ZNF565: variants seen among roughly 807,000 people sequenced by gnomAD.
The protein encoded by ZNF565 is zinc finger protein 565.
ZNF565 carries 27 observed loss-of-function variants against 39.4 expected under a neutral mutation model. That is an observed-to-expected ratio of 0.69 (90% CI 0.51 to 0.95). The LOEUF (loss-of-function observed/expected upper bound fraction) is 0.95, where lower values mean the gene tolerates loss of function less well. Among genes scored for constraint, ZNF565 ranks in the 40% least tolerant of loss-of-function variants. The probability of loss-of-function intolerance (pLI) is 0.00; values close to 1 mark genes in which losing one functional copy is unlikely to be tolerated. For synonymous variants in ZNF565, 185 were observed against 216.6 expected (o/e 0.85, Z 1.28); for missense variants, 524 against 621.1 (o/e 0.84, Z 1.66).
At chr19:36,189,678 T>C (rs555263902) in intron 4 of ZNF565, among the ~76,000 whole-genome samples, 1 of 152,238 alleles carries the variant, frequency 6.6e-6, no homozygotes, top group South Asian at 2.1e-4. Flanking sequence ...TAAAAGATTA[T>C]TATTTTTCAG....
chr19:36,242,105 A>G (rs1347935374), intron 1 of ZNF565, among the ~76,000 whole-genome samples: 1 of 152,166 alleles, frequency 6.6e-6, no homozygotes, highest in Non-Finnish European at 1.5e-5. Flanking sequence ...AGAATGGGAG[A>G]AAATATTTAG....
chr19:36,240,678 G>C (rs1977783279), intron 1 of ZNF565, among the ~76,000 whole-genome samples: 1 of 152,028 alleles, frequency 6.6e-6, no homozygotes, highest in African/African-American at 2.4e-5. Flanking sequence ...ATACCAGCCT[G>C]GCCAACATGG....
At chr19:36,226,821 C>T (rs1977087553) in intron 1 of ZNF565, among the ~76,000 whole-genome samples, 1 of 152,206 alleles carries the variant, frequency 6.6e-6, no homozygotes, top group African/African-American at 2.4e-5. Context: ...TGCAGTGGCT[C>T]ACAACTGTAA....
chr19:36,197,331 G>T (rs1318203215), intron 2 of ZNF565, among the ~76,000 whole-genome samples: 1 of 151,678 alleles, frequency 6.6e-6, no homozygotes, highest in Non-Finnish European at 1.5e-5. Flanking sequence ...AATTAGCTGG[G>T]CATGATGGTG....
intron 1 of ZNF565, chr19:36,237,483 C>A (rs1167381759): frequency 3.9e-6 from 3 of 768,380 alleles, no homozygotes. Flanking sequence ...AAGAGAAAGA[C>A]ATGCATATGA....
chr19:36,183,369 T>TG lies in ZNF565; in HGVS notation c.596_597insC (p.Glu199AspfsTer22). On this transcript the variant is annotated frameshift_variant, in exon 5 of 5. Transcript: ENST00000304116. LOFTEE classifies it high-confidence loss of function. ...AGGCACGGCTGAAGGCCTTCCCACA[T>TG]TCCTTACATCCAAAGGGTTTTTCAC... 6.2e-7 allele frequency: 1 copy of TG among 1,608,530 alleles called. No homozygotes were observed. Among genetic ancestry groups the TG allele is most frequent in the Non-Finnish European group, 8.5e-7 (1 of 1,175,072 alleles).
At position 36,194,098 on chromosome 19, in the gene ZNF565, T is replaced by C. The variant is rs980834740; in HGVS notation, c.232+135A>G. On this transcript the variant is annotated intron_variant, in intron 4 of 4. Coordinates refer to ENST00000304116, the MANE Select transcript of ZNF565 (RefSeq NM_152477.5). ...TGGAAGCTGACGCTAATAAAGTCTT[T>C]ACTCGCCACATCTTCACGTTTCAGG... The C allele has an allele frequency of 7.4e-5, 46 of 618,196 alleles. No homozygotes were observed. In the Admixed American group the frequency reaches 1.1e-3, roughly 15 times the overall value. The allele number at this position is 618,196 out of a possible 1,614,324, so 38.3% of individuals were successfully genotyped here.
At chr19:36,183,803 G>A (rs1975182223) in intron 4 of ZNF565, 70 bp from the exon 5 acceptor site, 2 of 1,412,888 alleles carry the variant, frequency 1.4e-6, no homozygotes, top group African/African-American at 2.9e-5. Flanking sequence ...TTCTATAGTA[G>A]AGGCCAGGCA....
At chr19:36,218,005 A>C (rs1599956001), upstream of ZNF565, 1 of 151,728 alleles carries the variant, frequency 6.6e-6, no homozygotes, top group East Asian at 2.0e-4. Context: ...GGGTTTCACC[A>C]TGGTGACCAG....
chr19:36,229,266 C>CGAGA (rs1275966091), intron 1 of ZNF565, among the ~76,000 whole-genome samples: 1 of 152,226 alleles, frequency 6.6e-6, no homozygotes, highest in African/African-American at 2.4e-5. Flanking sequence ...GTTGTCTTCT[C>CGAGA]ACTCATCTCT....
rs1599940781 is a variant in ZNF565, at chr19:36,206,814, A to G, written c.-65-4764T>C. On this transcript the variant is annotated intron_variant, in intron 1 of 4. Coordinates refer to ENST00000304116, the MANE Select transcript of ZNF565 (RefSeq NM_152477.5). Reference sequence around the variant, plus strand: ...GCCACTGCACTCCAGCCTGGGCAACAAAGACTCTGTCACAAACAACAACAA... The same window carrying G: ...GCCACTGCACTCCAGCCTGGGCAACGAAGACTCTGTCACAAACAACAACAA... Among the ~76,000 whole-genome samples, 4 of 152,352 alleles carry G rather than the reference A, an allele frequency of 2.6e-5. No individual in the cohort carries two copies. In the East Asian group the frequency reaches 7.7e-4, roughly 29 times the overall value.
intron 1 of ZNF565, among the ~76,000 whole-genome samples, chr19:36,208,210 T>C (rs1976228555): frequency 1.3e-5 from 2 of 151,706 alleles, no homozygotes; most frequent in South Asian, 4.2e-4. Flanking sequence ...GGACAATTTT[T>C]TTTTTTTTTT....
At chr19:36,224,959 ATAT>A (rs1358593104) in intron 1 of ZNF565, among the ~76,000 whole-genome samples, 8 of 147,480 alleles carry the variant, frequency 5.4e-5, no homozygotes, top group Admixed American at 2.0e-4. Context: ...CTACATACTA[ATAT>A]TATTCCCTGC....
intron 4 of ZNF565, among the ~76,000 whole-genome samples, chr19:36,193,526 C>T (rs553089564): frequency 3.0e-4 from 45 of 147,886 alleles, no homozygotes; most frequent in African/African-American, 1.0e-3. Context: ...CTGCAAGCTC[C>T]GCCTCCCGGG....
chr19:36,229,147 C>T (rs955783860), intron 1 of ZNF565, among the ~76,000 whole-genome samples: 1 of 152,192 alleles, frequency 6.6e-6, no homozygotes, highest in South Asian at 2.1e-4. Flanking sequence ...CTTTGTAAAA[C>T]CTTACATATT....
At chr19:36,243,121 C>T (rs1977826956) in intron 1 of ZNF565, among the ~76,000 whole-genome samples, 1 of 152,170 alleles carries the variant, frequency 6.6e-6, no homozygotes, top group South Asian at 2.1e-4. Flanking sequence ...GCAACCTGTG[C>T]CTCCCGGGTT....
chr19:36,183,441 T>C lies in ZNF565; in HGVS notation c.525A>G (p.Ala175=). The change falls in exon 5 of 5, where the codon GCA becomes GCG. Residue 175 remains alanine, a synonymous_variant. Coordinates refer to ENST00000304116, the MANE Select transcript of ZNF565 (RefSeq NM_152477.5). ...GAATAAGGTGTGAGCCACGGCTAAA[T>C]GCTTTCCCACATTCATGACATTCCA... is the stretch of plus-strand genomic sequence containing the variant. ...KLMECHECGK[A]FSRGSHLIQH... The C allele has an allele frequency of 6.2e-7, 1 of 1,614,186 alleles. No homozygotes were observed. Among genetic ancestry groups the C allele is most frequent in the Non-Finnish European group, 8.5e-7 (1 of 1,180,018 alleles).
intron 1 of ZNF565, among the ~76,000 whole-genome samples, chr19:36,207,653 A>C (rs1976207412): frequency 6.6e-6 from 1 of 152,236 alleles, no homozygotes; most frequent in South Asian, 2.1e-4. Flanking sequence ...ACTATGTTTC[A>C]CCATTATCCA....
At chr19:36,243,507 G>A (rs947368882) in intron 1 of ZNF565, among the ~76,000 whole-genome samples, 1 of 152,164 alleles carries the variant, frequency 6.6e-6, no homozygotes, top group African/African-American at 2.4e-5. Context: ...GATGTGAAGG[G>A]AGTTAAAAAC....
Sources: allele counts gnomAD v4.1 joint callset (sites outside exome capture counted in the v4.1 genomes callset), GRCh38; gene constraint gnomAD v4.1.1; transcripts MANE v1.5; gene names NCBI Gene and HGNC (gene_info 2026-07-23, HGNC 2026-07-21).